C12orf42: variants seen among roughly 807,000 people sequenced by gnomAD.
C12orf42 encodes the protein chromosome 12 open reading frame 42.
In C12orf42, 25 loss-of-function variants were observed where a neutral mutation model predicts 21.6. The ratio of observed to expected loss-of-function variants is 1.16; its 90% confidence interval spans 0.84 to 1.62. The LOEUF is 1.62. Ranked by LOEUF, C12orf42 falls within the 40% of genes most tolerant of loss-of-function variation. C12orf42 has a pLI of 0.00. For missense variants in C12orf42, 483 were observed against 459.3 expected (o/e 1.05, Z -0.47); for synonymous variants, 174 against 175.0 (o/e 0.99, Z 0.05).
At chr12:103,099,584 AT>A in the C12orf42 span, among the ~76,000 whole-genome samples, 1 of 152,210 alleles carries the variant, frequency 6.6e-6, no homozygotes, top group African/African-American at 2.4e-5. Context: ...TATAACAGAT[AT>A]TTATTTCAGA....
chr12:103,080,326 A>G, the C12orf42 span, among the ~76,000 whole-genome samples: 1,496 of 152,240 alleles, frequency 9.8e-3, 27 homozygotes, highest in African/African-American at 0.034. Flanking sequence ...TCATGCTTGT[A>G]TGTTTTCATA....
At chr12:103,065,886 C>A in the C12orf42 span, among the ~76,000 whole-genome samples, 1 of 152,168 alleles carries the variant, frequency 6.6e-6, no homozygotes, top group Non-Finnish European at 1.5e-5. Flanking sequence ...TGAAAGGCTG[C>A]CAGTTTTGAG....
At chr12:103,410,528 C>A (rs562040252) in intron 2 of C12orf42, among the ~76,000 whole-genome samples, 5 of 152,140 alleles carry the variant, frequency 3.3e-5, no homozygotes, top group African/African-American at 4.8e-5. Context: ...AAGAAAGAGG[C>A]CTTGACTGAC....
At chr12:103,144,309 G>A in the C12orf42 span, among the ~76,000 whole-genome samples, 153 of 152,128 alleles carry the variant, frequency 1.0e-3, no homozygotes, top group African/African-American at 3.4e-3. Context: ...AAGAGGAGAT[G>A]AGGAGAAAAA....
chr12:103,052,222 T>A, the C12orf42 span, among the ~76,000 whole-genome samples: 1 of 152,198 alleles, frequency 6.6e-6, no homozygotes, highest in South Asian at 2.1e-4. Flanking sequence ...GTGAATTTAC[T>A]AAGTCACAGG....
chr12:103,099,447 C>T, the C12orf42 span, among the ~76,000 whole-genome samples: 1 of 152,174 alleles, frequency 6.6e-6, no homozygotes, highest in Non-Finnish European at 1.5e-5. Flanking sequence ...GAGGTATTTA[C>T]AAGAGCATAC....
At chr12:103,540,598 A>C in the C12orf42 span, among the ~76,000 whole-genome samples, 74 of 152,212 alleles carry the variant, frequency 4.9e-4, no homozygotes, top group Admixed American at 1.5e-3. Flanking sequence ...TAAAATTATT[A>C]ATATTGCAAC....
chr12:103,283,945 C>T (rs1382823612), intron 4 of C12orf42, among the ~76,000 whole-genome samples: 1 of 152,142 alleles, frequency 6.6e-6, no homozygotes, highest in Non-Finnish European at 1.5e-5. Context: ...GTTCAAAGAC[C>T]ACTTTAATTA....
chr12:103,112,262 T>C, the C12orf42 span, among the ~76,000 whole-genome samples: 2 of 152,186 alleles, frequency 1.3e-5, no homozygotes, highest in Non-Finnish European at 2.9e-5. Context: ...GGCATTTAGC[T>C]TAGGAAAATT....
At chr12:103,326,205 C>A (rs1286041873) in intron 4 of C12orf42, among the ~76,000 whole-genome samples, 1 of 152,238 alleles carries the variant, frequency 6.6e-6, no homozygotes, top group African/African-American at 2.4e-5. Context: ...GGTGATTGGG[C>A]TTCAGAACCA....
intron 4 of C12orf42, among the ~76,000 whole-genome samples, chr12:103,308,820 C>G (rs1462187756): frequency 6.6e-6 from 1 of 152,108 alleles, no homozygotes; most frequent in African/African-American, 2.4e-5. Flanking sequence ...AAATGGTGGT[C>G]CTTAATCCAA....
In C12orf42 at chr12:103,302,188, G is replaced by T. The variant is rs201302533; in HGVS notation, c.1003C>A (p.Pro335Thr). The T allele has an allele frequency of 1.7e-5, 27 of 1,612,524 alleles. No individual in the cohort carries two copies. The highest frequency in any genetic ancestry group is 2.2e-5 in the Non-Finnish European group (26 of 1,179,404). ...TGGAAACGCCGGGTTGGGCGGGGGG[G>T]TGCTGAGGAGCAAACCTTTATTAAC... Reference protein sequence around the residue: ...KRLIKVCSSAPPRPTRRFHTV... With the variant: ...KRLIKVCSSATPRPTRRFHTV... Residue 335 changes from proline to threonine, a missense_variant, in exon 6 of 6, where the codon CCC becomes ACC. Coordinates refer to ENST00000548883, the MANE Select transcript of C12orf42 (RefSeq NM_198521.5).
intron 2 of C12orf42, among the ~76,000 whole-genome samples, chr12:103,453,031 AAAAAAG>A (rs1431797884): frequency 2.0e-5 from 3 of 152,194 alleles, no homozygotes; most frequent in Admixed American, 6.5e-5. Context: ...ATATCAAAAA[AAAAAAG>A]AAAAGGAAAT....
the C12orf42 span, among the ~76,000 whole-genome samples, chr12:103,135,826 A>G: frequency 6.6e-6 from 1 of 152,234 alleles, no homozygotes; most frequent in Admixed American, 6.5e-5. Context: ...ATTGCAACAG[A>G]CACAGTAAGA....
At chr12:103,138,248 C>T in the C12orf42 span, among the ~76,000 whole-genome samples, 1 of 152,292 alleles carries the variant, frequency 6.6e-6, no homozygotes, top group African/African-American at 2.4e-5. Context: ...TATCCCCACC[C>T]AAATCTCATG....
chr12:103,192,411 G>T, the C12orf42 span, among the ~76,000 whole-genome samples: 2 of 151,204 alleles, frequency 1.3e-5, no homozygotes, highest in Non-Finnish European at 2.9e-5. Flanking sequence ...GCTGAGGCAG[G>T]AGAATCGCTT....
the C12orf42 span, among the ~76,000 whole-genome samples, chr12:103,104,908 G>A: frequency 6.6e-5 from 10 of 152,162 alleles, no homozygotes; most frequent in African/African-American, 2.2e-4. Flanking sequence ...AAGTAGCAAG[G>A]ACATTTGTCT....
chr12:103,381,629 T>G (rs1232811550), intron 3 of C12orf42, among the ~76,000 whole-genome samples: 1 of 152,116 alleles, frequency 6.6e-6, no homozygotes, highest in Non-Finnish European at 1.5e-5. Context: ...GCAAATTGCT[T>G]TATCTTGGGC....
At chr12:103,161,845 G>A in the C12orf42 span, among the ~76,000 whole-genome samples, 4 of 152,148 alleles carry the variant, frequency 2.6e-5, no homozygotes, top group Non-Finnish European at 5.9e-5. Context: ...AGAACTTTAT[G>A]TACTTATTAA....
Sources: allele counts gnomAD v4.1 joint callset (sites outside exome capture counted in the v4.1 genomes callset), GRCh38; gene constraint gnomAD v4.1.1; transcripts MANE v1.5; gene names NCBI Gene and HGNC (gene_info 2026-07-23, HGNC 2026-07-21).